The following LRP1B variants were observed in gnomAD, a reference collection of about 807,000 sequenced individuals.
LRP1B encodes the protein low-density lipoprotein receptor-related protein 1B.
Under a neutral mutation model 556.6 loss-of-function variants are expected in LRP1B, and 217 were observed. The ratio of observed to expected loss-of-function variants is 0.39; its 90% CI spans 0.35 to 0.44. The LOEUF (loss-of-function observed/expected upper bound fraction) is 0.44, where lower values mean the gene tolerates loss of function less well. Among genes scored for constraint, LRP1B ranks in the 20% least tolerant of loss-of-function variants. The probability of loss-of-function intolerance (pLI) is 1.00; values close to 1 mark genes in which losing one functional copy is unlikely to be tolerated. For synonymous variants in LRP1B, 2,047 were observed against 1,865.8 expected, an observed-to-expected ratio of 1.10 and a Z score of -2.50; for missense variants, 5,053 against 5,620.8, an observed-to-expected ratio of 0.90 and a Z score of 3.23.
chr2:140,291,949 C>T (rs1484922633), intron 84 of LRP1B, among the ~76,000 whole-genome samples: 3 of 152,164 alleles, frequency 2.0e-5, no homozygotes, highest in Non-Finnish European at 4.4e-5. Context: ...GTTCCTATTT[C>T]TCCACATCCT....
At chr2:141,436,136 C>CA (rs1360957777) in intron 3 of LRP1B, among the ~76,000 whole-genome samples, 3 of 152,044 alleles carry the variant, frequency 2.0e-5, no homozygotes, top group Non-Finnish European at 4.4e-5. Flanking sequence ...GCATAATTGG[C>CA]AAAAATTGTA....
Position 141,867,520 on chromosome 2 carries a change from G to A in LRP1B, c.83-57119C>T, listed in dbSNP as rs187129198. Among the ~76,000 whole-genome samples, 357 of 152,210 alleles carry A rather than the reference G, an allele frequency of 2.3e-3. 1 individual carries two copies. Among genetic ancestry groups the A allele is most frequent in the African/African-American group, 8.5e-3 (351 of 41,538 alleles). ...CTTTGAGATCTTACAAGTCCGAGAG[G>A]ACTAGAAGGAAAGTAAGATGACTTA... On this transcript the variant is annotated intron_variant, in intron 1 of 90. Transcript: ENST00000389484.
At chr2:141,249,003 A>T (rs1684166887) in intron 4 of LRP1B, among the ~76,000 whole-genome samples, 2 of 152,166 alleles carry the variant, frequency 1.3e-5, no homozygotes, top group Non-Finnish European at 2.9e-5. Flanking sequence ...GAAATAGAGG[A>T]TGTAAGAAGT....
intron 41 of LRP1B, among the ~76,000 whole-genome samples, chr2:140,691,595 G>A (rs182005959): frequency 2.6e-5 from 4 of 152,094 alleles, no homozygotes; most frequent in African/African-American, 9.6e-5. Flanking sequence ...TCACAAATGT[G>A]GGAATTATAT....
rs1417539632 is a variant in LRP1B, at chr2:141,049,104, G to C, written c.1671C>G (p.Asn557Lys). The change falls in exon 11 of 91, where the codon AAC becomes AAG. Residue 557 changes from asparagine to lysine, a missense_variant. Physicochemically the swap from Asn to Lys is moderately conservative, Grantham distance 94. Coordinates refer to ENST00000389484, the MANE Select transcript of LRP1B (RefSeq NM_018557.3). Reference protein sequence around the residue: ...EYMIPIENLVNPRALDFHAET... With the variant: ...EYMIPIENLVKPRALDFHAET... ...CTGCGTGAAAGTCTAAAGCACGAGG[G>C]TTTACCAGATTTTCTATGGGGATCA... 6.2e-7 allele frequency: 1 copy of C among 1,613,446 alleles called. No individual in the cohort carries two copies. The highest frequency in any genetic ancestry group is 1.1e-5 in the South Asian group (1 of 91,064).
chr2:140,973,151 CA>C (rs1696487677), intron 18 of LRP1B, among the ~76,000 whole-genome samples: 1 of 149,450 alleles, frequency 6.7e-6, no homozygotes, highest in Non-Finnish European at 1.5e-5. Flanking sequence ...ATGAAAATAT[CA>C]TACACTCAAT....
intron 41 of LRP1B, among the ~76,000 whole-genome samples, chr2:140,672,464 A>C (rs1037818634): frequency 2.8e-5 from 4 of 143,940 alleles, no homozygotes; most frequent in African/African-American, 1.0e-4. Flanking sequence ...AGCCTGGGTG[A>C]CAGAATGAGA....
intron 1 of LRP1B, among the ~76,000 whole-genome samples, chr2:142,080,532 AT>A (rs202159850): frequency 7.2e-5 from 11 of 152,128 alleles, no homozygotes; most frequent in African/African-American, 2.2e-4. Flanking sequence ...TGTAAAAAAA[AT>A]AAATAAATAA....
chr2:140,964,265 T>C (rs1558767353), intron 18 of LRP1B, among the ~76,000 whole-genome samples: 1 of 152,112 alleles, frequency 6.6e-6, no homozygotes, highest in African/African-American at 2.4e-5. Context: ...GGATGGAACA[T>C]GAAGGTGGAC....
At chr2:140,807,617 C>T (rs1017243232) in intron 32 of LRP1B, among the ~76,000 whole-genome samples, 1 of 150,806 alleles carries the variant, frequency 6.6e-6, no homozygotes, top group African/African-American at 2.4e-5. Flanking sequence ...TCACAAAGTG[C>T]TGGGATTACA....
intron 2 of LRP1B, among the ~76,000 whole-genome samples, chr2:141,613,791 T>C (rs1245186283): frequency 6.6e-6 from 1 of 152,032 alleles, no homozygotes; most frequent in Non-Finnish European, 1.5e-5. Flanking sequence ...ATGTTTACTT[T>C]GCCGGGTATG....
At chr2:140,360,475 T>G (rs1174844306) in intron 72 of LRP1B, among the ~76,000 whole-genome samples, 3 of 151,586 alleles carry the variant, frequency 2.0e-5, no homozygotes, top group Non-Finnish European at 4.4e-5. Context: ...ACTTTCTATT[T>G]TCTAAAATAA....
intron 83 of LRP1B, among the ~76,000 whole-genome samples, chr2:140,308,682 A>G (rs1209231952): frequency 2.0e-5 from 3 of 151,710 alleles, no homozygotes; most frequent in African/African-American, 7.2e-5. Context: ...TTATGTATAT[A>G]CATGATTTTT....
intron 3 of LRP1B, among the ~76,000 whole-genome samples, chr2:141,337,381 C>T (rs1234371275): frequency 6.6e-6 from 1 of 152,134 alleles, no homozygotes; most frequent in Non-Finnish European, 1.5e-5. Context: ...ATAGCATCCC[C>T]TTTTAATAAC....
In LRP1B at chr2:141,022,645, C is replaced by T. The variant is rs1209378798; in HGVS notation, c.1790-2543G>A. 2.0e-5 allele frequency among the ~76,000 whole-genome samples: 3 copies of T among 151,988 alleles called. No homozygotes were observed. The East Asian group carries it at 5.8e-4, about 29-fold the overall frequency. On this transcript the variant is annotated intron_variant, in intron 11 of 90. Transcript: ENST00000389484. ...GACTGACTAATAATGACTCTATGAA[C>T]AAAAGCCCTTTAAACAGATCAGGGA... is the stretch of plus-strand genomic sequence containing the variant.
At chr2:142,031,436 C>G (rs1372839855) in intron 1 of LRP1B, among the ~76,000 whole-genome samples, 1 of 129,818 alleles carries the variant, frequency 7.7e-6, no homozygotes, top group Admixed American at 8.0e-5. Flanking sequence ...GCTGCACCCA[C>G]TAATGTGTCA....
intron 38 of LRP1B, 58 bp downstream of exon 38, chr2:140,702,369 A>G: frequency 1.9e-6 from 3 of 1,607,382 alleles, no homozygotes; most frequent in Non-Finnish European, 2.5e-6. Flanking sequence ...CACTAAAAGT[A>G]GGTAAATTAA....
intron 1 of LRP1B, among the ~76,000 whole-genome samples, chr2:142,100,145 C>T (rs1415409216): frequency 6.6e-6 from 1 of 151,912 alleles, no homozygotes; most frequent in Non-Finnish European, 1.5e-5. Context: ...TTTAAGGATA[C>T]TTGGTTTTGT....
intron 10 of LRP1B, among the ~76,000 whole-genome samples, chr2:141,050,764 A>T (rs1290758497): frequency 1.3e-5 from 2 of 152,130 alleles, no homozygotes; most frequent in Non-Finnish European, 2.9e-5. Flanking sequence ...ATTGCAACAA[A>T]AGCCAAAGTT....
Sources: gnomAD v4.1 joint callset for allele counts (sites outside exome capture counted in the v4.1 genomes callset) on GRCh38, gnomAD v4.1.1 for gene constraint, MANE v1.5 for transcripts, NCBI Gene and HGNC (gene_info 2026-07-23, HGNC 2026-07-21) for gene names.